The following RIN3 variants were observed in gnomAD, a reference collection of about 807,000 sequenced individuals.
RIN3 encodes the protein RAB5 interacting protein 3.
RIN3 carries 54 observed loss-of-function variants against 76.3 expected under a neutral mutation model. That is an observed-to-expected ratio of 0.71 (90% CI 0.57 to 0.89). The LOEUF is 0.89. RIN3 is among the 40% of genes least tolerant of loss of function. The probability of loss-of-function intolerance (pLI) is 0.00; values close to 1 mark genes in which losing one functional copy is unlikely to be tolerated. For synonymous variants in RIN3, 576 were observed against 564.0 expected (o/e 1.02, Z -0.30); for missense variants, 1,256 against 1,322.1 (o/e 0.95, Z 0.78).
At chr14:92,599,589 T>C (rs1179764520) in intron 3 of RIN3, among the ~76,000 whole-genome samples, 1 of 152,036 alleles carries the variant, frequency 6.6e-6, no homozygotes, top group East Asian at 1.9e-4. Context: ...CCCTGGTGCC[T>C]GTGATGGAGT....
intron 3 of RIN3, 151 bp from the exon 4 acceptor site, chr14:92,615,256 G>A: frequency 1.5e-6 from 1 of 667,146 alleles, no homozygotes; most frequent in Non-Finnish European, 2.7e-6. Context: ...CCAGCTGGCA[G>A]CTGATGTGTA....
intron 3 of RIN3, among the ~76,000 whole-genome samples, chr14:92,613,302 C>G (rs1250805247): frequency 2.6e-5 from 4 of 152,146 alleles, no homozygotes; most frequent in African/African-American, 9.7e-5. Context: ...CACTGGGACG[C>G]TCGGGGCATC....
chr14:92,545,674 C>T (rs1361649844), intron 1 of RIN3, among the ~76,000 whole-genome samples: 2 of 150,292 alleles, frequency 1.3e-5, no homozygotes, highest in Admixed American at 6.6e-5. Context: ...TCAATCTCCC[C>T]GGGCTCAGGT....
chr14:92,588,839 C>T lies in RIN3; in HGVS notation c.367+11362C>T, dbSNP rs1884879515. Reference sequence around the variant, plus strand: ...ACTAGCACGTGCAAGACTAACACCACCATAAAGCAGCACTCTCTGCCAGGG... The same window carrying T: ...ACTAGCACGTGCAAGACTAACACCATCATAAAGCAGCACTCTCTGCCAGGG... On this transcript the variant is annotated intron_variant, in intron 3 of 9. Coordinates refer to ENST00000216487, the MANE Select transcript of RIN3 (RefSeq NM_024832.5). 2.0e-5 allele frequency among the ~76,000 whole-genome samples: 3 copies of T among 152,276 alleles called. No individual in the cohort carries two copies. The South Asian group carries it at 6.2e-4, about 32-fold the overall frequency.
chr14:92,628,358 A>G (rs1886432348), intron 4 of RIN3, among the ~76,000 whole-genome samples: 1 of 152,142 alleles, frequency 6.6e-6, no homozygotes, highest in South Asian at 2.1e-4. Flanking sequence ...AATTCTAAGG[A>G]GGGCTTAGTA....
In RIN3 at chr14:92,513,856, C is replaced by A; in HGVS notation, c.-77C>A. 9.1e-7 allele frequency: 1 copy of A among 1,104,016 alleles called. No individual in the cohort carries two copies. The highest frequency in any genetic ancestry group is 1.2e-6 in the Non-Finnish European group (1 of 868,180). 68.4% of individuals were successfully genotyped at this position (1,104,016 alleles called of 1,614,324 possible). The stretch of plus-strand genomic sequence containing the variant: ...CCAGAGGGCCAGAGCCAGGGACATG[C>A]GGGCGCCCGGGACTCCGCGTTCCGC... On this transcript the variant is annotated 5_prime_UTR_variant, in exon 1 of 10. Coordinates refer to ENST00000216487, the MANE Select transcript of RIN3 (RefSeq NM_024832.5).
chr14:92,581,928 T>C (rs1156659195), intron 3 of RIN3, among the ~76,000 whole-genome samples: 1 of 152,102 alleles, frequency 6.6e-6, no homozygotes, highest in African/African-American at 2.4e-5. Flanking sequence ...CAGGGAGGAT[T>C]CTGGCGAAAC....
intron 8 of RIN3, among the ~76,000 whole-genome samples, chr14:92,684,008 C>G (rs1888754766): frequency 6.6e-6 from 1 of 152,156 alleles, no homozygotes; most frequent in Non-Finnish European, 1.5e-5. Context: ...CCTAGTCTAC[C>G]TTAAATGTTC....
Position 92,643,267 on chromosome 14 carries a change from T to A in RIN3, c.532+1938T>A, listed in dbSNP as rs1887082254. 6.6e-6 allele frequency among the ~76,000 whole-genome samples: 1 copy of A among 152,116 alleles called. No homozygotes were observed. Among genetic ancestry groups the A allele is most frequent in the Non-Finnish European group, 1.5e-5 (1 of 68,014 alleles). On this transcript the variant is annotated intron_variant, in intron 5 of 9. Coordinates refer to ENST00000216487, the MANE Select transcript of RIN3 (RefSeq NM_024832.5). The surrounding 1 kb of genome is among the most constrained non-coding windows in gnomAD (Gnocchi z 4.8). ...CAGGGTTTCACCATATTGGTCAGGC[T>A]GGTCTTGAACTCCTGACCTCATGAT...
In RIN3 at chr14:92,651,727, G is replaced by A. The variant is rs781052946; in HGVS notation, c.678G>A (p.Ser226=). Residue 226 remains serine (S), a synonymous_variant, in exon 6 of 10, where the codon TCG becomes TCA. Transcript: ENST00000216487. ...DANCACEIEL[S]VGNDRLWFVN... The stretch of plus-strand genomic sequence containing the variant: ...ACTGTGCCTGTGAAATCGAGCTGTC[G>A]GTAGGAAATGACCGCCTGTGGTTTG... The A allele has an allele frequency of 3.3e-5, 53 of 1,614,086 alleles. No homozygotes were observed. The East Asian group carries it at 3.8e-4, about 12-fold the overall frequency.
chr14:92,642,204 G>A (rs937232174), intron 5 of RIN3, among the ~76,000 whole-genome samples: 1 of 151,954 alleles, frequency 6.6e-6, no homozygotes, highest in African/African-American at 2.4e-5. Context: ...CCAGGCTCAG[G>A]TGATCCTCCC....
chr14:92,662,175 G>C (rs549132049), intron 7 of RIN3, among the ~76,000 whole-genome samples: 1 of 152,242 alleles, frequency 6.6e-6, no homozygotes, highest in African/African-American at 2.4e-5. Context: ...AAGGGTGTCC[G>C]AGAATGAGCG....
chr14:92,677,178 C>A (rs773683913), intron 8 of RIN3, among the ~76,000 whole-genome samples: 20 of 152,164 alleles, frequency 1.3e-4, no homozygotes, highest in Non-Finnish European at 2.4e-4. Context: ...GAGTAAGAAG[C>A]CCTGTGCTCC....
At chr14:92,584,726 G>A (rs919760027) in intron 3 of RIN3, among the ~76,000 whole-genome samples, 6 of 152,152 alleles carry the variant, frequency 3.9e-5, no homozygotes, top group East Asian at 1.9e-4. Context: ...CAGCCTGCCC[G>A]TTTATGGCTG....
intron 7 of RIN3, among the ~76,000 whole-genome samples, chr14:92,669,082 G>T (rs187893925): frequency 6.6e-6 from 1 of 152,272 alleles, no homozygotes; most frequent in Admixed American, 6.5e-5. Context: ...CATTAAATAA[G>T]CAAGCATCTT....
chr14:92,634,856 TA>T (rs11383121), intron 4 of RIN3, among the ~76,000 whole-genome samples: 314 of 130,208 alleles, frequency 2.4e-3, no homozygotes, highest in Middle Eastern at 0.012. Context: ...AGACTCTATC[TA>T]AAAAAAAAAA....
At chr14:92,624,420 A>G (rs1187368725) in intron 4 of RIN3, among the ~76,000 whole-genome samples, 1 of 152,192 alleles carries the variant, frequency 6.6e-6, no homozygotes, top group African/African-American at 2.4e-5. Flanking sequence ...ACCGGGTTAC[A>G]TTGGTTATAT....
chr14:92,515,298 A>G (rs1451498754), intron 1 of RIN3: 1 of 696,088 alleles, frequency 1.4e-6, no homozygotes, highest in East Asian at 2.7e-5. Context: ...AGTATCTGCC[A>G]CACCCAAGAT....
At chr14:92,635,348 A>C (rs548286607) in intron 4 of RIN3, among the ~76,000 whole-genome samples, 44 of 152,224 alleles carry the variant, frequency 2.9e-4, no homozygotes, top group Admixed American at 2.9e-3. Flanking sequence ...TGGGGTGTTT[A>C]CTGTCTTTTA....
Sources: allele counts gnomAD v4.1 joint callset (sites outside exome capture counted in the v4.1 genomes callset), GRCh38; gene constraint gnomAD v4.1.1; non-coding constraint Gnocchi (gnomAD v3.1); transcripts MANE v1.5; gene names NCBI Gene and HGNC (gene_info 2026-07-23, HGNC 2026-07-21).